FHIP1A: variants seen among roughly 807,000 people sequenced by gnomAD.
The protein encoded by FHIP1A is FHF complex subunit HOOK-interacting protein 1A.
FHIP1A carries 61 observed loss-of-function variants against 88.6 expected under a neutral mutation model. That is an observed-to-expected ratio of 0.69 (90% CI 0.56 to 0.85). FHIP1A has a LOEUF of 0.85. Ranked by LOEUF, FHIP1A falls within the 40% of genes least tolerant of loss-of-function variation. FHIP1A has a pLI of 0.00. For missense variants in FHIP1A, 1,154 were observed against 1,273.5 expected (o/e 0.91, Z 1.43); for synonymous variants, 478 against 496.0 (o/e 0.96, Z 0.48).
At chr4:151,539,409 A>G (rs1389504460) in intron 3 of FHIP1A, among the ~76,000 whole-genome samples, 4 of 151,806 alleles carry the variant, frequency 2.6e-5, no homozygotes, top group African/African-American at 9.7e-5. Context: ...TGGTGAAAAT[A>G]AAAAATTAGC....
At chr4:151,513,275 C>T (rs1731103963) in intron 3 of FHIP1A, among the ~76,000 whole-genome samples, 1 of 152,204 alleles carries the variant, frequency 6.6e-6, no homozygotes, top group Non-Finnish European at 1.5e-5. Flanking sequence ...CACCACCAGG[C>T]TTGCCCTAAA....
chr4:151,541,011 C>G (rs537081482), intron 3 of FHIP1A, among the ~76,000 whole-genome samples: 18 of 152,302 alleles, frequency 1.2e-4, no homozygotes, highest in African/African-American at 4.3e-4. Context: ...TATGTACGTA[C>G]CTCCTAAAGC....
intron 8 of FHIP1A, 42 bp from the exon 9 acceptor site, chr4:151,638,635 G>T: frequency 8.1e-7 from 1 of 1,230,926 alleles, no homozygotes; most frequent in Non-Finnish European, 1.2e-6. Context: ...TAGAGTTATC[G>T]TTCCAACATC....
intron 5 of FHIP1A, among the ~76,000 whole-genome samples, chr4:151,580,229 T>G (rs962895599): frequency 3.9e-5 from 6 of 152,212 alleles, no homozygotes; most frequent in Non-Finnish European, 7.3e-5. Flanking sequence ...GCCATTATCT[T>G]ATAAAACACC....
At chr4:151,464,354 A>G (rs527482797) in intron 2 of FHIP1A, among the ~76,000 whole-genome samples, 33 of 152,318 alleles carry the variant, frequency 2.2e-4, no homozygotes, top group African/African-American at 5.8e-4. Flanking sequence ...TTATCCCAAT[A>G]TGTAAGTCAG....
intron 7 of FHIP1A, among the ~76,000 whole-genome samples, chr4:151,606,828 C>T (rs1399504740): frequency 6.6e-6 from 1 of 152,168 alleles, no homozygotes. Context: ...ATTGTATTCT[C>T]CACTGCGCTG....
chr4:151,589,440 A>G (rs536388936), intron 7 of FHIP1A, among the ~76,000 whole-genome samples: 19 of 151,092 alleles, frequency 1.3e-4, no homozygotes, highest in African/African-American at 4.1e-4. Flanking sequence ...GCACAACTGA[A>G]TTTCTTATGA....
rs572854634 is a variant in FHIP1A at position 151,582,021 on chromosome 4, T to A, written c.732+3945T>A. Among the ~76,000 whole-genome samples, 418 of 152,142 alleles carry A rather than the reference T, an allele frequency of 2.7e-3. 1 individual carries two copies. Among genetic ancestry groups the A allele is most frequent in the African/African-American group, 9.5e-3 (395 of 41,514 alleles). On this transcript the variant is annotated intron_variant, in intron 5 of 13. Coordinates refer to ENST00000435205, the MANE Select transcript of FHIP1A (RefSeq NM_001109977.3). ...TAAATGACCCTGTCACTTTTTTTTTTAAAACCAAATATTGATGGTTAAGCC... is the reference window on the plus strand; with the variant it reads ...TAAATGACCCTGTCACTTTTTTTTTAAAAACCAAATATTGATGGTTAAGCC...
At chr4:151,446,534 A>T (rs1272149576) in intron 1 of FHIP1A, among the ~76,000 whole-genome samples, 16 of 105,862 alleles carry the variant, frequency 1.5e-4, no homozygotes, top group South Asian at 2.8e-4. Flanking sequence ...GGCAGTGCTT[A>T]TATCCAGTAG....
intron 8 of FHIP1A, among the ~76,000 whole-genome samples, chr4:151,634,348 A>G (rs115081297): frequency 0.011 from 1,688 of 151,876 alleles, 10 homozygotes; most frequent in Non-Finnish European, 0.018. Context: ...AAAGCAATCT[A>G]CAGATTCCAT....
At chr4:151,510,501 C>T (rs1730988943) in intron 3 of FHIP1A, among the ~76,000 whole-genome samples, 1 of 152,024 alleles carries the variant, frequency 6.6e-6, no homozygotes, top group Non-Finnish European at 1.5e-5. Context: ...TCTTGTAGAC[C>T]CTTCACCCAG....
rs1276687543 is a variant in FHIP1A at position 151,669,150 on chromosome 4, T to C, written c.*6396T>C. Among the ~76,000 whole-genome samples the C allele has an allele frequency of 6.6e-6, 1 of 152,256 alleles. No homozygotes were observed. The highest frequency in any genetic ancestry group is 2.4e-5 in the African/African-American group (1 of 41,478). ...TGTTAATGTAAACATATCTTTAGAA[T>C]ATCTCATCGGGTTTCAGTCAGAGCC... is the stretch of plus-strand genomic sequence containing the variant. On this transcript the variant is annotated 3_prime_UTR_variant, in exon 14 of 14. Transcript: ENST00000435205.
At chr4:151,635,467 G>A (rs1023317760) in intron 8 of FHIP1A, among the ~76,000 whole-genome samples, 1 of 151,766 alleles carries the variant, frequency 6.6e-6, no homozygotes, top group African/African-American at 2.4e-5. Flanking sequence ...AGAGGTTGAA[G>A]CAACCTAGAT....
At chr4:151,582,684 AAAAT>A (rs1440919100) in intron 5 of FHIP1A, among the ~76,000 whole-genome samples, 2 of 152,200 alleles carry the variant, frequency 1.3e-5, no homozygotes, top group Admixed American at 6.6e-5. Flanking sequence ...AAATAAGTGA[AAAAT>A]AAGTGCAAAT....
chr4:151,525,075 T>C (rs72952749), intron 3 of FHIP1A, among the ~76,000 whole-genome samples: 2,034 of 152,316 alleles, frequency 0.013, 39 homozygotes, highest in African/African-American at 0.043. Flanking sequence ...CCCATACTTA[T>C]GTGACTCCAG....
At chr4:151,417,777 A>G (rs1044972141) in intron 1 of FHIP1A, among the ~76,000 whole-genome samples, 2 of 152,142 alleles carry the variant, frequency 1.3e-5, no homozygotes, top group African/African-American at 2.4e-5. Flanking sequence ...CTAAGTCACT[A>G]TTTGATAAGT....
rs1008114033 is a variant in FHIP1A at position 151,666,731 on chromosome 4, G to A, written c.*3977G>A. Among the ~76,000 whole-genome samples, 1 of 152,190 alleles carries A rather than the reference G, an allele frequency of 6.6e-6. No homozygotes were observed. The highest frequency in any genetic ancestry group is 2.4e-5 in the African/African-American group (1 of 41,436). ...AGGGTTGTGGATGGGCTGCTCTTCT[G>A]AATCTGGATCAGTGTGTCTAGGTTG... On this transcript the variant is annotated 3_prime_UTR_variant, in exon 14 of 14. Coordinates refer to ENST00000435205, the MANE Select transcript of FHIP1A (RefSeq NM_001109977.3).
intron 3 of FHIP1A, among the ~76,000 whole-genome samples, chr4:151,508,026 G>A (rs1236717527): frequency 6.6e-6 from 1 of 152,194 alleles, no homozygotes; most frequent in African/African-American, 2.4e-5. Context: ...CTATTTTGAG[G>A]TAAAGACTGG....
In FHIP1A at chr4:151,646,710, A is replaced by G. The variant is rs899829050; in HGVS notation, c.1379A>G (p.Asp460Gly). 1.3e-6 allele frequency: 2 copies of G among 1,551,276 alleles called. No homozygotes were observed. The highest frequency in any genetic ancestry group is 2.7e-5 in the African/African-American group (2 of 73,026). The change falls in exon 10 of 14, where the codon GAT becomes GGT. Residue 460 changes from aspartate to glycine, a missense_variant. Physicochemically the swap from Asp to Gly is moderately conservative, Grantham distance 94. Transcript: ENST00000435205. ...ITLTLGNQER[D>G]YILWSKCMHD... is the part of the protein sequence containing the mutation. ...CTGACGCTGGGGAACCAAGAGAGGG[A>G]TTATATTCTCTGGTCAAAGTGTATG... is the stretch of plus-strand genomic sequence containing the variant.
Sources: allele counts gnomAD v4.1 joint callset (sites outside exome capture counted in the v4.1 genomes callset), GRCh38; gene constraint gnomAD v4.1.1; transcripts MANE v1.5; gene names NCBI Gene and HGNC (gene_info 2026-07-23, HGNC 2026-07-21).